The following KCTD13 variants were observed in gnomAD, a reference collection of about 807,000 sequenced individuals.
KCTD13 encodes the protein potassium channel tetramerization domain containing 13.
A neutral mutation model predicts 32.3 loss-of-function variants in KCTD13; 15 were observed. The observed-to-expected ratio is 0.46, with a 90% confidence interval of 0.31 to 0.71. KCTD13 has a LOEUF of 0.71. Ranked by LOEUF, KCTD13 falls within the 30% of genes least tolerant of loss-of-function variation. The pLI, the probability that KCTD13 is intolerant of heterozygous loss-of-function variation, is 0.05. For synonymous variants in KCTD13, 189 were observed against 200.1 expected (o/e 0.94, Z 0.47); for missense variants, 337 against 452.6 (o/e 0.74, Z 2.32).
At chr16:29,925,650 G>A (rs1160371497) in intron 1 of KCTD13, 140 bp downstream of exon 1, 2 of 772,008 alleles carry the variant, frequency 2.6e-6, no homozygotes, top group South Asian at 3.3e-5. Flanking sequence ...TGGGATGTGG[G>A]GGCTGGAGGG....
chr16:29,921,215 C>T (rs920582143), intron 2 of KCTD13: 3 of 152,042 alleles, frequency 2.0e-5, no homozygotes, highest in Non-Finnish European at 2.9e-5. Flanking sequence ...TTTAGCTTTT[C>T]GAGCATATGT....
chr16:29,917,458 C>A (rs774725507), intron 2 of KCTD13, among the ~76,000 whole-genome samples: 12 of 151,978 alleles, frequency 7.9e-5, no homozygotes, highest in Non-Finnish European at 1.6e-4. Context: ...ACCAGCTTGA[C>A]CAACATGGCA....
At chr16:29,912,323 C>G in intron 2 of KCTD13, 1 of 530,880 alleles carries the variant, frequency 1.9e-6, no homozygotes, top group Non-Finnish European at 3.3e-6. Context: ...CAGCTGTCAG[C>G]GTGGCGTGTC....
At chr16:29,910,909 C>T in intron 5 of KCTD13, 69 bp downstream of exon 5, 2 of 1,472,582 alleles carry the variant, frequency 1.4e-6, no homozygotes, top group Non-Finnish European at 1.9e-6. Flanking sequence ...CCCTGCCAAC[C>T]TGCTTTTGTC....
chr16:29,914,975 C>CAAA, intron 2 of KCTD13: 1 of 128,144 alleles, frequency 7.8e-6, no homozygotes, highest in Non-Finnish European at 1.7e-5. Flanking sequence ...GACTCTGTCT[C>CAAA]AAAAAAAAAA....
intron 2 of KCTD13, chr16:29,913,441 A>T (rs2068752679): frequency 6.6e-6 from 1 of 152,238 alleles, no homozygotes; most frequent in Non-Finnish European, 1.5e-5. Context: ...CAAATGTGCG[A>T]GGGGAATTAC....
At chr16:29,912,189 G>C (rs4548895) in intron 2 of KCTD13, 140 bp from the exon 3 acceptor site, 1 of 663,006 alleles carries the variant, frequency 1.5e-6, no homozygotes. Flanking sequence ...AGCTCCGCCA[G>C]CCTCTCTGCC....
chr16:29,911,214 C>G (rs757952072), intron 4 of KCTD13, 41 bp from the exon 5 acceptor site: 1 of 1,511,958 alleles, frequency 6.6e-7, no homozygotes, highest in Non-Finnish European at 9.1e-7. Flanking sequence ...GCAGTTGGCA[C>G]CCCTCCCTCT....
chr16:29,915,626 A>G (rs2068796944), intron 2 of KCTD13, among the ~76,000 whole-genome samples: 1 of 151,846 alleles, frequency 6.6e-6, no homozygotes. Context: ...AAAAGAAAAG[A>G]AAAAGAAAAA....
chr16:29,908,683 CTTT>C (rs576706189), intron 5 of KCTD13, among the ~76,000 whole-genome samples: 2 of 136,174 alleles, frequency 1.5e-5, no homozygotes. Flanking sequence ...CATGCCCGGC[CTTT>C]TTTTTTTTTT....
Position 29,906,828 on chromosome 16 carries a change from G to A in KCTD13, c.*44C>T. ...TGGGAAGGGGAGGGAAAGAGAGAGG[G>A]ACTGGGTCCCAAGGCAAGAGGAAGG... On this transcript the variant is annotated 3_prime_UTR_variant, in exon 6 of 6. Coordinates refer to ENST00000568000, the MANE Select transcript of KCTD13 (RefSeq NM_178863.5). 2 of 1,548,608 alleles carry A rather than the reference G, an allele frequency of 1.3e-6. No individual in the cohort carries two copies. The highest frequency in any genetic ancestry group is 8.9e-7 in the Non-Finnish European group (1 of 1,123,470).
At chr16:29,918,566 G>A (rs2068850239) in intron 2 of KCTD13, among the ~76,000 whole-genome samples, 1 of 152,052 alleles carries the variant, frequency 6.6e-6, no homozygotes, top group African/African-American at 2.4e-5. Flanking sequence ...TGCCTCCCAG[G>A]TTCATATAAT....
chr16:29,911,480 C>T (rs2068708244), intron 4 of KCTD13: 2 of 562,294 alleles, frequency 3.6e-6, no homozygotes, highest in Non-Finnish European at 6.3e-6. Context: ...TACTTCACCT[C>T]TTGGTGTCCC....
intron 2 of KCTD13, chr16:29,921,666 T>G (rs541419146): frequency 2.6e-5 from 4 of 152,102 alleles, no homozygotes; most frequent in Non-Finnish European, 5.9e-5. Context: ...AAAACTTTAG[T>G]TTTAACATTA....
intron 5 of KCTD13, among the ~76,000 whole-genome samples, chr16:29,909,170 C>A (rs1252131328): frequency 6.6e-6 from 1 of 152,188 alleles, no homozygotes; most frequent in Non-Finnish European, 1.5e-5. Flanking sequence ...TAACACCTCG[C>A]TGCTGATGCA....
chr16:29,906,806 G>A lies in KCTD13; in HGVS notation c.*66C>T, dbSNP rs980884750. On this transcript the variant is annotated 3_prime_UTR_variant, in exon 6 of 6. Transcript: ENST00000568000. ...CAGCAGAGCCGGGGCAAAAGTCTGGGAAGGGGAGGGAAAGAGAGAGGGACT... is the reference window on the plus strand; with the variant it reads ...CAGCAGAGCCGGGGCAAAAGTCTGGAAAGGGGAGGGAAAGAGAGAGGGACT... The A allele has an allele frequency of 1.1e-5, 16 of 1,422,572 alleles. No homozygotes were observed. The highest frequency in any genetic ancestry group is 1.4e-5 in the Non-Finnish European group (14 of 1,020,938). 88.1% of individuals were successfully genotyped at this position (1,422,572 alleles called of 1,614,324 possible).
chr16:29,907,244 C>T, intron 5 of KCTD13, 136 bp from the exon 6 acceptor site: 1 of 613,300 alleles, frequency 1.6e-6, no homozygotes, highest in South Asian at 2.1e-5. Flanking sequence ...GCCTCTCTGC[C>T]ACTCCTTTAC....
chr16:29,906,770 C>A lies in KCTD13; in HGVS notation c.*102G>T. 1 of 998,800 alleles carries A rather than the reference C, an allele frequency of 1.0e-6. No homozygotes were observed. The highest frequency in any genetic ancestry group is 1.5e-6 in the Non-Finnish European group (1 of 661,526). 61.9% of individuals were successfully genotyped at this position (998,800 alleles called of 1,614,324 possible). A position where few individuals can be genotyped will look rare whatever the true frequency, so the allele number is the denominator to read the frequency against. ...TGCAATGAAGGGACAGAGGAGGACC[C>A]ACGACTTGGCCAGCAGAGCCGGGGC... is the stretch of plus-strand genomic sequence containing the variant. On this transcript the variant is annotated 3_prime_UTR_variant, in exon 6 of 6. Coordinates refer to ENST00000568000, the MANE Select transcript of KCTD13 (RefSeq NM_178863.5).
Position 29,923,331 on chromosome 16 carries a change from A to G in KCTD13, c.273T>C (p.Arg91=), listed in dbSNP as rs780134119. The change falls in exon 2 of 6, where the codon CGT becomes CGC. Residue 91 remains arginine, a synonymous_variant. Transcript: ENST00000568000. ...GGTAATTGAGGATTGTACCAAAGTG[A>G]CGGCCGCTCCGGTCAATCAGCACCC... ...GGWVLIDRSG[R]HFGTILNYLR... 2 of 1,614,080 alleles carry G rather than the reference A, an allele frequency of 1.2e-6. No homozygotes were observed. Among genetic ancestry groups the G allele is most frequent in the Admixed American group, 1.7e-5 (1 of 59,996 alleles).
Sources: gnomAD v4.1 joint callset for allele counts (sites outside exome capture counted in the v4.1 genomes callset) on GRCh38, gnomAD v4.1.1 for gene constraint, MANE v1.5 for transcripts, NCBI Gene and HGNC (gene_info 2026-07-23, HGNC 2026-07-21) for gene names.